Variants in SUSD2 observed in about 807,000 individuals in gnomAD.
The protein encoded by SUSD2 is sushi domain containing 2, also known as sushi domain-containing protein 2.
In SUSD2, 86 loss-of-function variants were observed where a neutral mutation model predicts 93.8. The ratio of observed to expected loss-of-function variants is 0.92; its 90% CI spans 0.77 to 1.10. The LOEUF (loss-of-function observed/expected upper bound fraction) is 1.10, where lower values mean the gene tolerates loss of function less well. Ranked by LOEUF, SUSD2 falls within the 50% of genes least tolerant of loss-of-function variation. SUSD2 has a pLI of 0.00. For missense variants in SUSD2, 1,060 were observed against 1,137.0 expected, an observed-to-expected ratio of 0.93 and a Z score of 0.97; for synonymous variants, 483 against 485.0, an observed-to-expected ratio of 1.00 and a Z score of 0.05.
In SUSD2 at chr22:24,187,625, A is replaced by G; in HGVS notation, c.1946A>G (p.His649Arg). 2.5e-6 allele frequency: 4 copies of G among 1,614,006 alleles called. No homozygotes were observed. Among genetic ancestry groups the G allele is most frequent in the Non-Finnish European group, 3.4e-6 (4 of 1,179,958 alleles). ...LLTYDSWFLV[H>R]NFLYQPKHDP... Reference sequence around the variant, plus strand: ...ACCTACGATTCCTGGTTCCTGGTCCACAACTTCCTGTACCAACCCAAGCAC... The same window carrying G: ...ACCTACGATTCCTGGTTCCTGGTCCGCAACTTCCTGTACCAACCCAAGCAC... The change falls in exon 12 of 15, where the codon CAC becomes CGC. Residue 649 changes from histidine to arginine, a missense_variant. Physicochemically the swap from His to Arg is conservative, Grantham distance 29. Coordinates refer to ENST00000358321, the MANE Select transcript of SUSD2 (RefSeq NM_019601.4).
In SUSD2 at chr22:24,185,145, C is replaced by T. The variant is rs573952158; in HGVS notation, c.834C>T (p.Ser278=). 8.1e-6 allele frequency: 13 copies of T among 1,612,596 alleles called. No homozygotes were observed. Among genetic ancestry groups the T allele is most frequent in the East Asian group, 2.2e-5 (1 of 44,850 alleles). ...TNDHALAWHL[S]DDFREDPVAW... Reference sequence around the variant, plus strand: ...ACCACGCACTGGCCTGGCACCTGAGCGATGACTTCCGAGAGGACCCTGTGG... The same window carrying T: ...ACCACGCACTGGCCTGGCACCTGAGTGATGACTTCCGAGAGGACCCTGTGG... The change falls in exon 6 of 15, where the codon AGC becomes AGT. Residue 278 remains serine, a synonymous_variant. Transcript: ENST00000358321.
At chr22:24,183,825 C>A (rs552406573) in intron 3 of SUSD2, 179 bp downstream of exon 3, 2 of 751,544 alleles carry the variant, frequency 2.7e-6, no homozygotes, top group African/African-American at 1.8e-5. Context: ...ATCCAGACCG[C>A]GGTCCCAGCC....
At position 24,188,340 on chromosome 22, in the gene SUSD2, A is replaced by G; in HGVS notation, c.2444+13A>G. 1.2e-6 allele frequency: 2 copies of G among 1,609,260 alleles called. No individual in the cohort carries two copies. Among genetic ancestry groups the G allele is most frequent in the Non-Finnish European group, 1.7e-6 (2 of 1,178,942 alleles). On this transcript the variant is annotated intron_variant, in intron 14 of 14. Transcript: ENST00000358321. This position sits in a 1 kb window ranked among gnomAD's most constrained non-coding sequence, Gnocchi z 4.7. ...GGAAGGGCAACACGTGAGACCCCCC[A>G]GCCCCTCTCCCAAGACCCCGAGACA...
At chr22:24,181,956 C>T (rs935129085) in intron 1 of SUSD2, among the ~76,000 whole-genome samples, 2 of 152,226 alleles carry the variant, frequency 1.3e-5, no homozygotes, top group African/African-American at 4.8e-5. Context: ...CCCCGAACTC[C>T]AGAACCAGGA....
At chr22:24,185,606 G>A (rs1426728274) in intron 7 of SUSD2, 35 bp downstream of exon 7, 1 of 1,604,114 alleles carries the variant, frequency 6.2e-7, no homozygotes, top group Non-Finnish European at 8.5e-7. Flanking sequence ...ATGGGGATTG[G>A]GGTCAGGGGT....
Position 24,187,169 on chromosome 22 carries a change from C to A in SUSD2, c.1643-33C>A, listed in dbSNP as rs375260962. 5.6e-6 allele frequency: 9 copies of A among 1,598,032 alleles called. No individual in the cohort carries two copies. The East Asian group carries it at 2.0e-4, about 36-fold the overall frequency. On this transcript the variant is annotated intron_variant, in intron 10 of 14. Transcript: ENST00000358321. ...GCGGGAGGGGACAAGATGCTCACAG[C>A]GGGTGACCCTAATGCATCCCCCTTG...
chr22:24,181,892 A>C (rs991187698), intron 1 of SUSD2, among the ~76,000 whole-genome samples: 1 of 152,194 alleles, frequency 6.6e-6, no homozygotes, highest in East Asian at 1.9e-4. Flanking sequence ...AGGGGGAGCC[A>C]GGATTGTGGG....
Position 24,185,582 on chromosome 22 carries a change from A to G in SUSD2, c.1070+11A>G, listed in dbSNP as rs778962138. The G allele has an allele frequency of 9.4e-6, 15 of 1,595,580 alleles. No homozygotes were observed. In the South Asian group the frequency reaches 1.4e-4, roughly 14 times the overall value. On this transcript the variant is annotated intron_variant, in intron 7 of 14. Transcript: ENST00000358321. The stretch of plus-strand genomic sequence containing the variant: ...TTCTGTGCAGGCCAGGTGAGCCCCC[A>G]GGCTGGGGCCGGTATGGGGATTGGG...
At position 24,185,620 on chromosome 22, in the gene SUSD2, C is replaced by A. The variant is rs566169061; in HGVS notation, c.1071-41C>A. The A allele has an allele frequency of 7.7e-5, 124 of 1,607,036 alleles. 2 individuals are homozygous for A. The South Asian group carries it at 1.3e-3, about 17-fold the overall frequency. On this transcript the variant is annotated intron_variant, in intron 7 of 14. Transcript: ENST00000358321. ...TATGGGGATTGGGGTCAGGGGTGGG[C>A]TCCCAACAGTGGCCTGGCCCTGACT...
chr22:24,186,309 C>T lies in SUSD2; in HGVS notation c.1536C>T (p.Asn512=), dbSNP rs1399401030. 1.2e-6 allele frequency: 2 copies of T among 1,613,846 alleles called. No individual in the cohort carries two copies. The highest frequency in any genetic ancestry group is 1.7e-6 in the Non-Finnish European group (2 of 1,180,052). ...CCGCAGTGGCCGTCCAGGAGGGCAACTCAGATGTGGTGGAAGTCAGGCTGG... is the reference window on the plus strand; with the variant it reads ...CCGCAGTGGCCGTCCAGGAGGGCAATTCAGATGTGGTGGAAGTCAGGCTGG... ...GLTAVAVQEG[N]SDVVEVRLAN... The change falls in exon 10 of 15, where the codon AAC becomes AAT. Residue 512 remains asparagine, a synonymous_variant. Transcript: ENST00000358321.
intron 4 of SUSD2, 65 bp from the exon 5 acceptor site, chr22:24,184,701 G>A: frequency 2.2e-6 from 3 of 1,367,286 alleles, no homozygotes; most frequent in Admixed American, 2.3e-5. Context: ...GGCTGCTGTA[G>A]GTGGCAAGGC....
intron 4 of SUSD2, 26 bp downstream of exon 4, chr22:24,184,329 G>A (rs1426081140): frequency 6.2e-7 from 1 of 1,607,712 alleles, no homozygotes; most frequent in East Asian, 2.2e-5. Context: ...GGCTGGGGTG[G>A]CATCAGAGCT....
At position 24,187,404 on chromosome 22, in the gene SUSD2, G is replaced by T; in HGVS notation, c.1845G>T (p.Leu615=). The change falls in exon 11 of 15, where the codon CTG becomes CTT. Residue 615 remains leucine, a synonymous_variant. Transcript: ENST00000358321. ...TCACCCTGCACAGCGGGCGCGTCCT[G>T]CCCCCAGGCACCAGTCCCCAGGAGC... is the stretch of plus-strand genomic sequence containing the variant. ...DDFTLHSGRV[L]PPGTSPQELF... 2 of 1,613,312 alleles carry T rather than the reference G, an allele frequency of 1.2e-6. No individual in the cohort carries two copies. The highest frequency in any genetic ancestry group is 1.1e-5 in the South Asian group (1 of 91,060).
chr22:24,186,838 G>T lies in SUSD2; in HGVS notation c.1643-364G>T, dbSNP rs2047369324. On this transcript the variant is annotated intron_variant, in intron 10 of 14. Transcript: ENST00000358321. ...CCTCAGGGAACTGAGTCAATGAAAG[G>T]ATTCCTGGTTGGGATGGGTGAGGAC... 1.2e-5 allele frequency: 5 copies of T among 416,452 alleles called. No homozygotes were observed. The East Asian group carries it at 2.2e-4, about 19-fold the overall frequency. The allele number at this position is 416,452 out of a possible 1,614,324, so 25.8% of individuals were successfully genotyped here.
Position 24,184,821 on chromosome 22 carries a change from C to A in SUSD2, c.663C>A (p.Ala221=). The change falls in exon 5 of 15, where the codon GCC becomes GCA. Residue 221 remains alanine (A), a synonymous_variant. Transcript: ENST00000358321. ...AGTGGTCGTACCTGTACCCCCTGGCCACACACATCCCCAACTCCGGCTCTT... is the reference window on the plus strand; with the variant it reads ...AGTGGTCGTACCTGTACCCCCTGGCAACACACATCCCCAACTCCGGCTCTT... The part of the protein sequence containing the change: ...TAKWSYLYPL[A]THIPNSGSFT... 6.2e-7 allele frequency: 1 copy of A among 1,613,740 alleles called. No homozygotes were observed. Among genetic ancestry groups the A allele is most frequent in the Non-Finnish European group, 8.5e-7 (1 of 1,179,846 alleles).
chr22:24,188,695 G>A lies in SUSD2; in HGVS notation c.*259G>A. On this transcript the variant is annotated 3_prime_UTR_variant, in exon 15 of 15. Coordinates refer to ENST00000358321, the MANE Select transcript of SUSD2 (RefSeq NM_019601.4). The surrounding 1 kb of genome is among the most constrained non-coding windows in gnomAD (Gnocchi z 4.7). The stretch of plus-strand genomic sequence containing the variant: ...CCCAAACCTGAAACTTCATACCCTG[G>A]GATTCTAATACCTATGTCCTGAGCC... 2.0e-6 allele frequency: 1 copy of A among 509,926 alleles called. No individual in the cohort carries two copies. Among genetic ancestry groups the A allele is most frequent in the Non-Finnish European group, 3.5e-6 (1 of 282,650 alleles). 31.6% of individuals were successfully genotyped at this position (509,926 alleles called of 1,614,324 possible). A position where few individuals can be genotyped will look rare whatever the true frequency, so the allele number is the denominator to read the frequency against.
At position 24,184,279 on chromosome 22, in the gene SUSD2, G is replaced by A. The variant is rs1425877832; in HGVS notation, c.583G>A (p.Glu195Lys). 4.3e-6 allele frequency: 7 copies of A among 1,613,446 alleles called. No individual in the cohort carries two copies. The highest frequency in any genetic ancestry group is 4.5e-5 in the East Asian group (2 of 44,880). ...GCTGCCCACGCAGACCATCACCATC[G>A]AACTGTGGGGCTACGAGGAGACAGG... is the stretch of plus-strand genomic sequence containing the variant. ...KSLPTQTITI[E>K]LWGYEETGMP... The change falls in exon 4 of 15, where the codon GAA (glutamate) becomes AAA (lysine). Residue 195 changes from glutamate to lysine, a missense_variant. Physicochemically the swap from Glu to Lys is moderately conservative, Grantham distance 56. Around this residue, in one of 2 missense-constraint regions of SUSD2, gnomAD observed 973 missense variants for 1,005.3 expected, o/e 0.97. Coordinates refer to ENST00000358321, the MANE Select transcript of SUSD2 (RefSeq NM_019601.4).
In SUSD2 at chr22:24,183,771, T is replaced by G. The variant is rs150402930; in HGVS notation, c.439+125T>G. 1.9e-3 allele frequency: 2,054 copies of G among 1,107,236 alleles called. 30 individuals carry two copies. In the African/African-American group the frequency reaches 0.029, roughly 16 times the overall value. 68.6% of individuals were successfully genotyped at this position (1,107,236 alleles called of 1,614,324 possible). ...GGCTGAACCAGTCCCTTGGGAGGCC[T>G]GCCCGCCTGCGAGAGTTCCTTCAGC... On this transcript the variant is annotated intron_variant, in intron 3 of 14. Coordinates refer to ENST00000358321, the MANE Select transcript of SUSD2 (RefSeq NM_019601.4).
chr22:24,188,540 CT>C lies in SUSD2; in HGVS notation c.*106del. 1 of 1,131,978 alleles carries C rather than the reference CT, an allele frequency of 8.8e-7. No homozygotes were observed. The allele number at this position is 1,131,978 out of a possible 1,614,324, so 70.1% of individuals were successfully genotyped here. Reference sequence around the variant, plus strand: ...GGACCAGACACCTGGGACCTGGATACTTGATACCTGGGCATTTAACCCCCTA... The same window carrying C: ...GGACCAGACACCTGGGACCTGGATACTGATACCTGGGCATTTAACCCCCTA... On this transcript the variant is annotated 3_prime_UTR_variant, in exon 15 of 15. Coordinates refer to ENST00000358321, the MANE Select transcript of SUSD2 (RefSeq NM_019601.4). This position sits in a 1 kb window ranked among gnomAD's most constrained non-coding sequence, Gnocchi z 4.7.
Sources: allele counts gnomAD v4.1 joint callset (sites outside exome capture counted in the v4.1 genomes callset), GRCh38; gene constraint gnomAD v4.1.1; regional missense constraint gnomAD v4.1.1; non-coding constraint Gnocchi (gnomAD v3.1); transcripts MANE v1.5; gene names NCBI Gene and HGNC (gene_info 2026-07-23, HGNC 2026-07-21).